The following RABGAP1 variants were observed in gnomAD, a reference collection of about 807,000 sequenced individuals.
RABGAP1 encodes rab GTPase-activating protein 1.
RABGAP1 carries 23 observed loss-of-function variants against 137.6 expected under a neutral mutation model. The observed-to-expected ratio is 0.17, with a 90% confidence interval of 0.12 to 0.24. RABGAP1 has a LOEUF of 0.24. RABGAP1 is among the 10% of genes least tolerant of loss of function. The probability of loss-of-function intolerance (pLI) is 1.00; values close to 1 mark genes in which losing one functional copy is unlikely to be tolerated. For synonymous variants in RABGAP1, 451 were observed against 450.7 expected, an observed-to-expected ratio of 1.00 and a Z score of -0.01; for missense variants, 906 against 1,275.8, an observed-to-expected ratio of 0.71 and a Z score of 4.42.
At chr9:123,035,340 T>C (rs759479357) in intron 13 of RABGAP1, 8 of 1,614,168 alleles carry the variant, frequency 5.0e-6, no homozygotes, top group Non-Finnish European at 6.8e-6. Context: ...TTCGAATCAC[T>C]AGTGTATTTT....
chr9:123,074,387 C>T lies in RABGAP1; in HGVS notation c.2212C>T (p.Leu738Phe). ...FLTLFTAKFP[L>F]YMVFHIIDLL... ...TACTCTTTTCACTGCAAAATTCCCT[C>T]TCTACATGGTCTTCCATATCATCGA... The change falls in exon 17 of 26, where the codon CTC (leucine) becomes TTC (phenylalanine). Residue 738 changes from leucine (L) to phenylalanine (F), a missense_variant. By Grantham distance (22) the Leu-to-Phe change is conservative (BLOSUM62 0). Transcript: ENST00000373647. 6.2e-7 allele frequency: 1 copy of T among 1,613,454 alleles called. No homozygotes were observed. Among genetic ancestry groups the T allele is most frequent in the Non-Finnish European group, 8.5e-7 (1 of 1,179,446 alleles).
At chr9:123,022,642 T>G (rs1229063632) in intron 13 of RABGAP1, among the ~76,000 whole-genome samples, 1 of 151,970 alleles carries the variant, frequency 6.6e-6, no homozygotes, top group African/African-American at 2.4e-5. Flanking sequence ...CCTGACCTCA[T>G]GATCCGCCCG....
intron 2 of RABGAP1, among the ~76,000 whole-genome samples, chr9:122,980,026 C>T (rs935406033): frequency 6.6e-6 from 1 of 152,200 alleles, no homozygotes; most frequent in African/African-American, 2.4e-5. Context: ...GTTCAACAGA[C>T]TATAGCCTGC....
chr9:122,983,654 A>G (rs1836202289), intron 2 of RABGAP1, among the ~76,000 whole-genome samples: 1 of 152,188 alleles, frequency 6.6e-6, no homozygotes, highest in South Asian at 2.1e-4. Flanking sequence ...TAGTCTTCAG[A>G]AAGCCTCCTA....
intron 21 of RABGAP1, 147 bp downstream of exon 21, chr9:123,090,532 C>T: frequency 1.7e-6 from 1 of 593,754 alleles, no homozygotes. Context: ...GTGTCACTTC[C>T]CTCCTTTCCT....
At chr9:123,098,578 G>A in intron 22 of RABGAP1, 137 bp from the exon 23 acceptor site, 1 of 635,962 alleles carries the variant, frequency 1.6e-6, no homozygotes, top group Non-Finnish European at 2.7e-6. Context: ...CAAGATTGAA[G>A]GAAGAAAGTA....
chr9:123,070,583 T>A lies in RABGAP1; in HGVS notation c.1983+159T>A, dbSNP rs1158887153. On this transcript the variant is annotated intron_variant, in intron 15 of 25. Coordinates refer to ENST00000373647, the MANE Select transcript of RABGAP1 (RefSeq NM_012197.4). This position sits in a 1 kb window ranked among gnomAD's most constrained non-coding sequence, Gnocchi z 4.4. ...ACTTTTTCCTTAAATTAACTTAATGTCATTGTGGAGGAGATATATGATGAG... is the reference window on the plus strand; with the variant it reads ...ACTTTTTCCTTAAATTAACTTAATGACATTGTGGAGGAGATATATGATGAG... Among the ~76,000 whole-genome samples, 1 of 152,234 alleles carries A rather than the reference T, an allele frequency of 6.6e-6. No homozygotes were observed. The highest frequency in any genetic ancestry group is 1.5e-5 in the Non-Finnish European group (1 of 68,044).
intron 10 of RABGAP1, among the ~76,000 whole-genome samples, chr9:123,003,982 A>G (rs776817141): frequency 3.9e-5 from 6 of 152,360 alleles, no homozygotes; most frequent in East Asian, 1.9e-4. Context: ...GGTATGGCCA[A>G]TGTTGTACAG....
chr9:122,954,981 A>G (rs1025860725), intron 1 of RABGAP1, among the ~76,000 whole-genome samples: 6 of 152,320 alleles, frequency 3.9e-5, no homozygotes, highest in South Asian at 4.1e-4. Context: ...AGAAAAATCA[A>G]ATGTAAAATG....
At chr9:123,098,689 T>A in intron 22 of RABGAP1, 26 bp from the exon 23 acceptor site, 2 of 1,596,678 alleles carry the variant, frequency 1.3e-6, no homozygotes, top group Non-Finnish European at 1.7e-6. Flanking sequence ...GTTAACATAG[T>A]CCCTTTTGTT....
intron 13 of RABGAP1, chr9:123,034,720 GT>G: frequency 6.2e-7 from 1 of 1,613,668 alleles, no homozygotes; most frequent in Non-Finnish European, 8.5e-7. Context: ...TGTGATTTTT[GT>G]ATTTCACTGT....
chr9:122,978,114 C>A (rs1835858347), intron 2 of RABGAP1, among the ~76,000 whole-genome samples: 1 of 149,524 alleles, frequency 6.7e-6, no homozygotes, highest in African/African-American at 2.6e-5. Flanking sequence ...TAACGACCAG[C>A]ACAGTCAAGA....
chr9:122,982,521 A>G (rs930838849), intron 2 of RABGAP1, among the ~76,000 whole-genome samples: 22 of 152,216 alleles, frequency 1.4e-4, no homozygotes, highest in Admixed American at 3.9e-4. Context: ...AGTTGTAATT[A>G]CTAATTGCTT....
At chr9:123,066,335 C>T (rs1204967775) in intron 14 of RABGAP1, among the ~76,000 whole-genome samples, 1 of 152,164 alleles carries the variant, frequency 6.6e-6, no homozygotes, top group African/African-American at 2.4e-5. Flanking sequence ...TCCTTTTTAG[C>T]CCCTTCTCAG....
At chr9:123,043,297 TGCAGGAGACCTAGAGA>T (rs1375722036) in intron 13 of RABGAP1, among the ~76,000 whole-genome samples, 3 of 152,134 alleles carry the variant, frequency 2.0e-5, no homozygotes, top group Non-Finnish European at 2.9e-5. Context: ...AAAGCAACTA[TGCAGGAGACCTAGAGA>T]GCAGCCAGTC....
At chr9:123,096,985 T>C (rs1037357092) in intron 21 of RABGAP1, among the ~76,000 whole-genome samples, 1 of 152,350 alleles carries the variant, frequency 6.6e-6, no homozygotes, top group African/African-American at 2.4e-5. Flanking sequence ...CTTTAGGTGA[T>C]GTCAGAATTT....
intron 13 of RABGAP1, among the ~76,000 whole-genome samples, chr9:123,057,565 C>A (rs905707830): frequency 2.3e-4 from 34 of 150,582 alleles, no homozygotes; most frequent in African/African-American, 7.6e-4. Context: ...CCTCACTTTC[C>A]AGACTGGGCA....
chr9:123,035,004 A>C, intron 13 of RABGAP1: 2 of 1,613,462 alleles, frequency 1.2e-6, no homozygotes. Context: ...CCTGGAGACT[A>C]CGCCTGTGTA....
At chr9:122,997,086 G>C (rs1837061350) in intron 8 of RABGAP1, 173 bp from the exon 9 acceptor site, 1 of 594,256 alleles carries the variant, frequency 1.7e-6, no homozygotes. Flanking sequence ...CTTCAGGACA[G>C]TTGCATAAAT....
Sources: allele counts gnomAD v4.1 joint callset (sites outside exome capture counted in the v4.1 genomes callset), GRCh38; gene constraint gnomAD v4.1.1; non-coding constraint Gnocchi (gnomAD v3.1); transcripts MANE v1.5; gene names NCBI Gene and HGNC (gene_info 2026-07-23, HGNC 2026-07-21).